The following STARD9 variants were observed in gnomAD, a reference collection of about 807,000 sequenced individuals.
STARD9 encodes stAR-related lipid transfer protein 9.
In STARD9, 346 loss-of-function variants were observed where a neutral mutation model predicts 399.8. The ratio of observed to expected loss-of-function variants is 0.87; its 90% CI spans 0.79 to 0.95. STARD9 has a LOEUF of 0.95. Ranked by LOEUF, STARD9 falls within the 40% of genes least tolerant of loss-of-function variation. The probability of loss-of-function intolerance (pLI) is 0.00; values close to 1 mark genes in which losing one functional copy is unlikely to be tolerated. For missense variants in STARD9, 5,832 were observed against 5,667.5 expected (o/e 1.03, Z -0.93); for synonymous variants, 2,203 against 2,143.5 (o/e 1.03, Z -0.77).
Position 42,691,642 on chromosome 15 carries a change from C to G in STARD9, c.10064C>G (p.Pro3355Arg). The G allele has an allele frequency of 1.3e-6, 2 of 1,537,254 alleles. No individual in the cohort carries two copies. Among genetic ancestry groups the G allele is most frequent in the Non-Finnish European group, 1.7e-6 (2 of 1,146,906 alleles). Residue 3355 changes from proline to arginine, a missense_variant, in exon 23 of 33, where the codon CCT becomes CGT. Coordinates refer to ENST00000290607, the MANE Select transcript of STARD9 (RefSeq NM_020759.3). ...PSPTDEDTQG[P>R]NRLWNPHLRG... ...CCTACAGACGAAGATACACAGGGGC[C>G]TAACAGATTGTGGAACCCACATCTC... is the stretch of plus-strand genomic sequence containing the variant.
rs566486395 is a variant in STARD9 at position 42,687,069 on chromosome 15, G to A, written c.5491G>A (p.Glu1831Lys). The change falls in exon 23 of 33, where the codon GAA (glutamate) becomes AAA (lysine). Residue 1831 changes from glutamate to lysine, a missense_variant. Coordinates refer to ENST00000290607, the MANE Select transcript of STARD9 (RefSeq NM_020759.3). Reference protein sequence around the residue: ...VDLNTREVIRESGKCPGNITE... With the variant: ...VDLNTREVIRKSGKCPGNITE... ...TCTGAATACCAGGGAAGTCATCAGA[G>A]AATCAGGTAAATGCCCTGGAAATAT... 5 of 1,537,182 alleles carry A rather than the reference G, an allele frequency of 3.3e-6. No homozygotes were observed. In the African/African-American group the frequency reaches 6.8e-5, roughly 21 times the overall value.
intron 3 of STARD9, among the ~76,000 whole-genome samples, chr15:42,607,717 A>AT (rs1395377577): frequency 6.6e-6 from 1 of 151,640 alleles, no homozygotes; most frequent in African/African-American, 2.4e-5. Context: ...TAAATCCTAT[A>AT]TTGTTTTACA....
intron 22 of STARD9, 121 bp downstream of exon 22, chr15:42,682,696 T>C: frequency 1.3e-6 from 1 of 775,336 alleles, no homozygotes; most frequent in Non-Finnish European, 2.0e-6. Flanking sequence ...AGAATGTGTA[T>C]ATTTCTCTCT....
chr15:42,714,775 T>A (rs542808190), intron 26 of STARD9, among the ~76,000 whole-genome samples: 1 of 152,140 alleles, frequency 6.6e-6, no homozygotes, highest in Non-Finnish European at 1.5e-5. Context: ...CTCCTCCATC[T>A]CCCAGTATAT....
rs1390832423 is a variant in STARD9 at position 42,693,609 on chromosome 15, G to A, written c.12031G>A (p.Val4011Ile). 2.6e-6 allele frequency: 4 copies of A among 1,537,246 alleles called. No individual in the cohort carries two copies. The highest frequency in any genetic ancestry group is 1.4e-5 in the African/African-American group (1 of 73,166). Residue 4011 changes from valine to isoleucine, a missense_variant, in exon 23 of 33, where the codon GTC (valine) becomes ATC (isoleucine). Val to Ile is a conservative substitution (Grantham distance 29). Around this residue, in one of 2 missense-constraint regions of STARD9, gnomAD observed 5,828 missense variants for 5,651.1 expected, o/e 1.03. Transcript: ENST00000290607. ...GCTTCAGCCCAGGACAACTATCGGG[G>A]TCCAAAGCAGACTGCTGCCACCACC... The part of the protein sequence containing the change: ...QQLQPRTTIG[V>I]QSRLLPPPLR...
intron 16 of STARD9, chr15:42,673,854 CTT>C (rs1274082430): frequency 6.6e-6 from 3 of 453,534 alleles, no homozygotes; most frequent in Non-Finnish European, 1.3e-5. Flanking sequence ...CCCCTCCTCT[CTT>C]ACACTCTCTT....
intron 26 of STARD9, among the ~76,000 whole-genome samples, chr15:42,715,113 C>T (rs1595831673): frequency 6.6e-6 from 1 of 151,552 alleles, no homozygotes; most frequent in South Asian, 2.1e-4. Flanking sequence ...GATGAGAAGC[C>T]GGGGCCTCTG....
chr15:42,649,418 A>T (rs1163473420), intron 7 of STARD9, among the ~76,000 whole-genome samples: 2 of 152,160 alleles, frequency 1.3e-5, no homozygotes, highest in African/African-American at 4.8e-5. Flanking sequence ...TTCTTCAGCT[A>T]TGTCTAACCT....
chr15:42,611,194 G>A (rs2058841737), intron 3 of STARD9, among the ~76,000 whole-genome samples: 1 of 152,134 alleles, frequency 6.6e-6, no homozygotes. Flanking sequence ...AAGATTTTTT[G>A]AAATACAGCC....
intron 3 of STARD9, among the ~76,000 whole-genome samples, chr15:42,587,237 A>G (rs2058294651): frequency 6.6e-6 from 1 of 152,188 alleles, no homozygotes; most frequent in Admixed American, 6.5e-5. Flanking sequence ...ATTTTCTGCT[A>G]TTGTAGACTT....
At chr15:42,675,163 T>C (rs1272146116) in intron 18 of STARD9, among the ~76,000 whole-genome samples, 199 bp downstream of exon 18, 1 of 152,202 alleles carries the variant, frequency 6.6e-6, no homozygotes, top group African/African-American at 2.4e-5. Flanking sequence ...AGAATGACTG[T>C]ATGAAATTTG....
intron 10 of STARD9, among the ~76,000 whole-genome samples, chr15:42,662,460 T>C (rs1595727635): frequency 1.3e-5 from 2 of 152,132 alleles, no homozygotes; most frequent in South Asian, 2.1e-4. Flanking sequence ...ACTATAAATA[T>C]AGGAATTTAA....
At chr15:42,581,183 G>A in intron 1 of STARD9, 1 of 767,526 alleles carries the variant, frequency 1.3e-6, no homozygotes, top group Non-Finnish European at 2.4e-6. Flanking sequence ...TGTCATGATT[G>A]TTCAAGTTGT....
At chr15:42,645,643 G>A (rs1210336671) in intron 7 of STARD9, among the ~76,000 whole-genome samples, 1 of 151,010 alleles carries the variant, frequency 6.6e-6, no homozygotes, top group African/African-American at 2.4e-5. Context: ...ACAGCTCACT[G>A]CAGCCTCAAC....
chr15:42,575,882 G>A, intron 1 of STARD9, 120 bp downstream of exon 1: 2 of 1,134,376 alleles, frequency 1.8e-6, no homozygotes, highest in Non-Finnish European at 1.3e-6. Flanking sequence ...GACCCGGGGG[G>A]TCGGGGTCCG....
At chr15:42,614,515 C>T (rs1458609585) in intron 3 of STARD9, among the ~76,000 whole-genome samples, 1 of 152,108 alleles carries the variant, frequency 6.6e-6, no homozygotes, top group Non-Finnish European at 1.5e-5. Context: ...AACAGTGATG[C>T]TGATTGCTGG....
chr15:42,708,940 TA>T (rs2061149170), intron 26 of STARD9, among the ~76,000 whole-genome samples: 2 of 152,210 alleles, frequency 1.3e-5, no homozygotes, highest in Middle Eastern at 3.4e-3. Flanking sequence ...AGACAACAAA[TA>T]GTTTTATAGT....
intron 20 of STARD9, among the ~76,000 whole-genome samples, chr15:42,677,621 A>G (rs2060337121): frequency 6.6e-6 from 1 of 152,210 alleles, no homozygotes; most frequent in African/African-American, 2.4e-5. Flanking sequence ...AATAGCTGAG[A>G]ATGGAAGAGA....
In STARD9 at chr15:42,681,544, C is replaced by A. The variant is rs900567696; in HGVS notation, c.1997C>A (p.Ala666Glu). The A allele has an allele frequency of 2.0e-6, 3 of 1,537,048 alleles. No homozygotes were observed. In the African/African-American group the frequency reaches 4.1e-5, roughly 21 times the overall value. Residue 666 changes from alanine (A) to glutamate (E), a missense_variant, in exon 21 of 33, where the codon GCA (alanine) becomes GAA (glutamate). Ala to Glu is a moderately radical substitution (Grantham distance 107, BLOSUM62 -1). This residue lies in a region of STARD9 where 5,828 missense variants were observed against 5,651.1 expected (regional missense o/e 1.03). Transcript: ENST00000290607. ...YVEDLRHQIL[A>E]EEIRAAKELE... is the part of the protein sequence containing the mutation. ...GAGGATTTGAGGCATCAAATCCTAG[C>A]AGAAGAGATTCGAGCTGCGAAGGAA... is the stretch of plus-strand genomic sequence containing the variant.
Sources: gnomAD v4.1 joint callset for allele counts (sites outside exome capture counted in the v4.1 genomes callset) on GRCh38, gnomAD v4.1.1 for gene constraint, gnomAD v4.1.1 regional missense constraint, MANE v1.5 for transcripts, NCBI Gene and HGNC (gene_info 2026-07-23, HGNC 2026-07-21) for gene names.